VPS8: variants seen among roughly 807,000 people sequenced by gnomAD.
VPS8 encodes the protein vacuolar protein sorting-associated protein 8 homolog.
In VPS8, 129 loss-of-function variants were observed where a neutral mutation model predicts 216.4. The observed-to-expected ratio is 0.60, with a 90% confidence interval of 0.52 to 0.69. The LOEUF (loss-of-function observed/expected upper bound fraction) is 0.69. Among genes scored for constraint, VPS8 ranks in the 30% least tolerant of loss-of-function variants. The pLI is 0.00. For synonymous variants in VPS8, 571 were observed against 565.4 expected, an observed-to-expected ratio of 1.01 and a Z score of -0.14; for missense variants, 1,531 against 1,683.5, an observed-to-expected ratio of 0.91 and a Z score of 1.59.
intron 36 of VPS8, among the ~76,000 whole-genome samples, chr3:184,947,237 A>G (rs887082936): frequency 2.0e-5 from 3 of 152,062 alleles, no homozygotes; most frequent in Non-Finnish European, 2.9e-5. Context: ...GTTCCCCCAC[A>G]TTTTCATTGT....
chr3:184,825,960 T>C (rs547466366), intron 2 of VPS8, among the ~76,000 whole-genome samples: 2 of 152,144 alleles, frequency 1.3e-5, no homozygotes, highest in East Asian at 1.9e-4. Context: ...AGTGCATATA[T>C]GTCCTTGATG....
At chr3:184,983,357 G>A (rs1750525402) in intron 42 of VPS8, among the ~76,000 whole-genome samples, 1 of 152,102 alleles carries the variant, frequency 6.6e-6, no homozygotes, top group Admixed American at 6.6e-5. Flanking sequence ...GTTGCCTTGG[G>A]ATTCAGATAT....
At chr3:184,977,483 T>G (rs1467932218) in intron 40 of VPS8, among the ~76,000 whole-genome samples, 1 of 152,100 alleles carries the variant, frequency 6.6e-6, no homozygotes, top group African/African-American at 2.4e-5. Flanking sequence ...TTCAGTTGTT[T>G]TTGTTGCAGT....
At chr3:184,930,295 C>T (rs529903805) in intron 33 of VPS8, among the ~76,000 whole-genome samples, 175 bp from the exon 34 acceptor site, 6 of 152,242 alleles carry the variant, frequency 3.9e-5, no homozygotes, top group South Asian at 2.1e-4. Context: ...TAAGAGTCTA[C>T]CCTAAATTTT....
intron 40 of VPS8, among the ~76,000 whole-genome samples, chr3:184,981,503 G>A (rs939012040): frequency 4.7e-5 from 7 of 148,878 alleles, no homozygotes; most frequent in Admixed American, 1.3e-4. Flanking sequence ...GCGTGATCTC[G>A]GCTCACTGCA....
intron 36 of VPS8, among the ~76,000 whole-genome samples, chr3:184,955,378 A>G (rs942025226): frequency 2.0e-5 from 3 of 152,182 alleles, no homozygotes; most frequent in African/African-American, 7.2e-5. Context: ...AAACGCTGAC[A>G]TATGCTGCCT....
chr3:184,858,370 C>T (rs1291894950), intron 14 of VPS8, among the ~76,000 whole-genome samples: 2 of 152,160 alleles, frequency 1.3e-5, no homozygotes. Context: ...TTCTCAACAT[C>T]AGCTTCATCT....
At chr3:184,859,719 T>A (rs778911474) in intron 14 of VPS8, among the ~76,000 whole-genome samples, 1 of 152,234 alleles carries the variant, frequency 6.6e-6, no homozygotes, top group African/African-American at 2.4e-5. Context: ...TTCTGAATTA[T>A]AACAGAGTGA....
intron 26 of VPS8, among the ~76,000 whole-genome samples, chr3:184,914,744 C>T (rs1478417344): frequency 6.6e-6 from 1 of 152,130 alleles, no homozygotes; most frequent in Non-Finnish European, 1.5e-5. Flanking sequence ...AGGAAACATA[C>T]GAAGAAACGA....
At chr3:184,956,963 A>G (rs1216290097) in intron 36 of VPS8, among the ~76,000 whole-genome samples, 1 of 152,210 alleles carries the variant, frequency 6.6e-6, no homozygotes, top group Non-Finnish European at 1.5e-5. Context: ...AGTCATTGCA[A>G]TGTGATATGA....
intron 23 of VPS8, among the ~76,000 whole-genome samples, chr3:184,895,132 A>T (rs937474740): frequency 1.2e-4 from 19 of 152,190 alleles, no homozygotes; most frequent in African/African-American, 4.6e-4. Context: ...ATTGCCTTGC[A>T]AGTCAGGGAT....
chr3:185,045,034 T>C (rs943851791), intron 46 of VPS8, among the ~76,000 whole-genome samples: 18 of 152,160 alleles, frequency 1.2e-4, no homozygotes, highest in East Asian at 5.8e-4. Flanking sequence ...ACAGCTTAGG[T>C]GGTGGCAAAA....
At position 185,000,608 on chromosome 3, in the gene VPS8, G is replaced by A. The variant is rs539694203; in HGVS notation, c.4002+747G>A. 2.8e-4 allele frequency among the ~76,000 whole-genome samples: 25 copies of A among 90,428 alleles called. 1 individual carries two copies. The highest frequency in any genetic ancestry group is 2.7e-3 in the South Asian group (6 of 2,248). The allele number at this position is 90,428 out of a possible 152,430, so 59.3% of individuals were successfully genotyped here. A position where few individuals can be genotyped will look rare whatever the true frequency, so the allele number is the denominator to read the frequency against. On this transcript the variant is annotated intron_variant, in intron 45 of 47. Transcript: ENST00000625842. Reference sequence around the variant, plus strand: ...TTGGGCTTGTTACTTTTCTCTTTTCGTTTCTTTTTTTTTTTTTTGAGATGC... The same window carrying A: ...TTGGGCTTGTTACTTTTCTCTTTTCATTTCTTTTTTTTTTTTTTGAGATGC...
intron 36 of VPS8, among the ~76,000 whole-genome samples, chr3:184,947,440 A>T (rs1743899351): frequency 6.6e-6 from 1 of 152,206 alleles, no homozygotes; most frequent in African/African-American, 2.4e-5. Context: ...GAAAGGAACA[A>T]ATTTGGGTAC....
At chr3:184,916,947 T>C (rs1377869449) in intron 28 of VPS8, among the ~76,000 whole-genome samples, 1 of 152,218 alleles carries the variant, frequency 6.6e-6, no homozygotes, top group Non-Finnish European at 1.5e-5. Context: ...GTGCATGGTA[T>C]ATCCCATGTA....
At chr3:184,834,829 C>T (rs962941811) in intron 5 of VPS8, 87 bp downstream of exon 5, 7 of 1,049,800 alleles carry the variant, frequency 6.7e-6, no homozygotes, top group Non-Finnish European at 9.6e-6. Context: ...TACAGCACTT[C>T]TCTTGGCCCG....
chr3:185,049,635 T>A (rs763100245), intron 47 of VPS8, among the ~76,000 whole-genome samples: 6 of 152,076 alleles, frequency 3.9e-5, no homozygotes, highest in Non-Finnish European at 8.8e-5. Flanking sequence ...TAACACATTC[T>A]GGATCTCCAC....
rs566064031 is a variant in VPS8, at chr3:184,944,404, G to T, written c.3035+4161G>T. 4 of 568,508 alleles carry T rather than the reference G, an allele frequency of 7.0e-6. No homozygotes were observed. In the Admixed American group the frequency reaches 1.9e-4, roughly 27 times the overall value. The allele number at this position is 568,508 out of a possible 1,614,324, so 35.2% of individuals were successfully genotyped here. On this transcript the variant is annotated intron_variant, in intron 36 of 47. Coordinates refer to ENST00000625842, the MANE Select transcript of VPS8 (RefSeq NM_001009921.3). ...TTATTTCCTTTGGGACAGCTGCTAC[G>T]TAAAGCCCGACTCTACCCCCATCCC...
At chr3:184,998,907 A>T (rs190670054) in intron 44 of VPS8, among the ~76,000 whole-genome samples, 54 of 151,652 alleles carry the variant, frequency 3.6e-4, no homozygotes, top group Admixed American at 5.3e-4. Flanking sequence ...TTTGAGATGG[A>T]GTCTCATTCT....
Sources: gnomAD v4.1 joint callset for allele counts (sites outside exome capture counted in the v4.1 genomes callset) on GRCh38, gnomAD v4.1.1 for gene constraint, MANE v1.5 for transcripts, NCBI Gene and HGNC (gene_info 2026-07-23, HGNC 2026-07-21) for gene names.